Variants in NLGN1 observed in about 807,000 individuals in gnomAD.
NLGN1 encodes neuroligin 1, also known as neuroligin-1.
In NLGN1, 12 loss-of-function variants were observed where a neutral mutation model predicts 65.5. The ratio of observed to expected loss-of-function variants is 0.18; its 90% CI spans 0.12 to 0.30. NLGN1 has a LOEUF of 0.30. Among genes scored for constraint, NLGN1 ranks in the 10% least tolerant of loss-of-function variants. The probability of loss-of-function intolerance (pLI) is 1.00; values close to 1 mark genes in which losing one functional copy is unlikely to be tolerated. For synonymous variants in NLGN1, 350 were observed against 359.5 expected, an observed-to-expected ratio of 0.97 and a Z score of 0.30; for missense variants, 750 against 1,007.1, an observed-to-expected ratio of 0.74 and a Z score of 3.46.
At chr3:173,876,885 T>G (rs114153023) in intron 4 of NLGN1, among the ~76,000 whole-genome samples, 332 of 152,286 alleles carry the variant, frequency 2.2e-3, no homozygotes, top group African/African-American at 7.8e-3. Flanking sequence ...TGAGAACTCT[T>G]CATTACCAAG....
chr3:173,911,831 A>G (rs149474511), intron 4 of NLGN1, among the ~76,000 whole-genome samples: 18 of 152,318 alleles, frequency 1.2e-4, no homozygotes, highest in African/African-American at 3.4e-4. Flanking sequence ...TATGCTGGCT[A>G]AAAGGATCCC....
chr3:173,489,315 A>G (rs1339249677), intron 2 of NLGN1, among the ~76,000 whole-genome samples: 3 of 151,368 alleles, frequency 2.0e-5, no homozygotes, highest in Non-Finnish European at 4.4e-5. Flanking sequence ...ATTCCCAACT[A>G]TGAGTGAGAA....
chr3:173,770,838 T>C (rs1032364468), intron 3 of NLGN1, among the ~76,000 whole-genome samples: 3 of 151,734 alleles, frequency 2.0e-5, no homozygotes, highest in African/African-American at 7.3e-5. Flanking sequence ...CTCAATAGAA[T>C]GAAAAAAAAA....
intron 3 of NLGN1, among the ~76,000 whole-genome samples, chr3:173,750,828 G>T (rs1266527883): frequency 2.0e-5 from 3 of 152,014 alleles, no homozygotes; most frequent in Non-Finnish European, 2.9e-5. Flanking sequence ...GCTCTGTTAT[G>T]ATGTGTGGAA....
intron 4 of NLGN1, among the ~76,000 whole-genome samples, chr3:174,038,236 C>T (rs547277451): frequency 6.6e-6 from 1 of 152,286 alleles, no homozygotes; most frequent in Admixed American, 6.5e-5. Context: ...TACTGCCCCA[C>T]TGAATCGCTA....
intron 2 of NLGN1, among the ~76,000 whole-genome samples, chr3:173,445,868 A>G (rs995191346): frequency 1.3e-4 from 20 of 152,156 alleles, no homozygotes; most frequent in African/African-American, 4.6e-4. Flanking sequence ...ACCTGGCAAT[A>G]TGATTGCTCT....
chr3:173,536,935 T>C (rs1737531857), intron 2 of NLGN1, among the ~76,000 whole-genome samples: 1 of 152,164 alleles, frequency 6.6e-6, no homozygotes, highest in Non-Finnish European at 1.5e-5. Flanking sequence ...AATGGTGTAA[T>C]TTCCAGTCTG....
At chr3:174,119,783 A>T (rs754021149) in intron 4 of NLGN1, among the ~76,000 whole-genome samples, 2 of 152,234 alleles carry the variant, frequency 1.3e-5, no homozygotes, top group African/African-American at 4.8e-5. Flanking sequence ...ATACTAGTAC[A>T]TCTTAATATG....
chr3:173,950,844 AAT>A (rs1444285618), intron 4 of NLGN1, among the ~76,000 whole-genome samples: 7 of 151,946 alleles, frequency 4.6e-5, no homozygotes, highest in Non-Finnish European at 7.4e-5. Context: ...ATACAAAATA[AAT>A]ATGTTATTAA....
rs188221220 is a variant in NLGN1, at chr3:173,425,101, G to C, written c.-389-9909G>C. Among the ~76,000 whole-genome samples, 81 of 152,298 alleles carry C rather than the reference G, an allele frequency of 5.3e-4. No homozygotes were observed. The East Asian group carries it at 0.014, about 27-fold the overall frequency. ...ACCTTCTTCAGAAGGTGGCAGGAGA[G>C]AGAGAGAGAAGAGCGAGGAAGTGCC... On this transcript the variant is annotated intron_variant, in intron 1 of 6. Transcript: ENST00000457714.
intron 2 of NLGN1, among the ~76,000 whole-genome samples, 157 bp from the exon 2 acceptor site, chr3:173,604,121 CT>C (rs1442157611): frequency 6.6e-6 from 1 of 152,076 alleles, no homozygotes; most frequent in African/African-American, 2.4e-5. Context: ...AGTTAGTTTA[CT>C]TGTCATCTCA....
chr3:173,918,656 ACATATG>A (rs1741255041), intron 4 of NLGN1, among the ~76,000 whole-genome samples: 1 of 112,852 alleles, frequency 8.9e-6, no homozygotes, highest in South Asian at 3.5e-4. Flanking sequence ...AAAAAGAAAT[ACATATG>A]TGTGTGTGTG....
chr3:174,093,732 G>A (rs1744951108), intron 4 of NLGN1, among the ~76,000 whole-genome samples: 1 of 152,072 alleles, frequency 6.6e-6, no homozygotes, highest in African/African-American at 2.4e-5. Flanking sequence ...TCTGCTAGTT[G>A]GTGTACATTT....
chr3:173,539,491 GTATGTA>G (rs201953677), intron 2 of NLGN1, among the ~76,000 whole-genome samples: 117 of 141,620 alleles, frequency 8.3e-4, no homozygotes, highest in East Asian at 3.7e-3. Context: ...GCATGTATAT[GTATGTA>G]TATGTATATG....
intron 2 of NLGN1, among the ~76,000 whole-genome samples, chr3:173,495,226 T>C (rs1729806136): frequency 6.6e-6 from 1 of 151,802 alleles, no homozygotes; most frequent in South Asian, 2.1e-4. Context: ...AATTTGTTCC[T>C]AAATATTTTA....
intron 2 of NLGN1, among the ~76,000 whole-genome samples, chr3:173,595,168 GC>G (rs1440484766): frequency 6.6e-6 from 1 of 152,066 alleles, no homozygotes; most frequent in Non-Finnish European, 1.5e-5. Context: ...CTTTTCTATG[GC>G]ATTGTCAGAC....
intron 4 of NLGN1, among the ~76,000 whole-genome samples, chr3:173,944,682 C>T (rs1560694696): frequency 6.6e-6 from 1 of 152,194 alleles, no homozygotes; most frequent in Non-Finnish European, 1.5e-5. Context: ...TGAAACTCCT[C>T]TCTAAGGCTT....
intron 4 of NLGN1, among the ~76,000 whole-genome samples, chr3:173,832,921 G>T (rs1433055334): frequency 6.6e-6 from 1 of 151,902 alleles, no homozygotes; most frequent in Non-Finnish European, 1.5e-5. Context: ...AGGTATATTG[G>T]CAATCTTTTC....
At chr3:174,042,234 TA>T (rs762636972) in intron 4 of NLGN1, among the ~76,000 whole-genome samples, 95 of 150,682 alleles carry the variant, frequency 6.3e-4, no homozygotes, top group African/African-American at 2.1e-3. Flanking sequence ...TTTGATGTAT[TA>T]TTTTTTTTCT....
Sources: allele counts gnomAD v4.1 joint callset (sites outside exome capture counted in the v4.1 genomes callset), GRCh38; gene constraint gnomAD v4.1.1; transcripts MANE v1.5; gene names NCBI Gene and HGNC (gene_info 2026-07-23, HGNC 2026-07-21).